LRBA: variants seen among roughly 807,000 people sequenced by gnomAD.
LRBA encodes lipopolysaccharide-responsive and beige-like anchor protein.
Under a neutral mutation model 330.0 loss-of-function variants are expected in LRBA, and 176 were observed. That is an observed-to-expected ratio of 0.53 (90% CI 0.47 to 0.60). The LOEUF (loss-of-function observed/expected upper bound fraction) is 0.60. Ranked by LOEUF, LRBA falls within the 20% of genes least tolerant of loss-of-function variation. LRBA has a pLI of 0.00. For missense variants in LRBA, 3,259 were observed against 3,444.8 expected (o/e 0.95, Z 1.35); for synonymous variants, 1,230 against 1,193.0 (o/e 1.03, Z -0.64).
At chr4:151,009,750 G>A (rs1370067176) in intron 2 of LRBA, among the ~76,000 whole-genome samples, 1 of 152,048 alleles carries the variant, frequency 6.6e-6, no homozygotes. Context: ...AGAGGCCAGG[G>A]CGGGTGGATC....
chr4:150,299,223 T>C (rs968086464), intron 53 of LRBA, among the ~76,000 whole-genome samples: 1 of 152,090 alleles, frequency 6.6e-6, no homozygotes, highest in African/African-American at 2.4e-5. Context: ...CATGCTTTCA[T>C]GTACAAAACA....
At chr4:150,875,504 A>C (rs968718614) in intron 17 of LRBA, among the ~76,000 whole-genome samples, 2 of 152,210 alleles carry the variant, frequency 1.3e-5, no homozygotes, top group African/African-American at 4.8e-5. Context: ...ACAAGGGTCA[A>C]GTATATACCC....
At chr4:150,801,484 T>C (rs542156833) in intron 33 of LRBA, among the ~76,000 whole-genome samples, 1 of 152,362 alleles carries the variant, frequency 6.6e-6, no homozygotes, top group Non-Finnish European at 1.5e-5. Flanking sequence ...TATTTTCTTG[T>C]ACAGATTTGC....
intron 52 of LRBA, among the ~76,000 whole-genome samples, chr4:150,306,657 G>GACGGT (rs1730396446): frequency 6.6e-6 from 1 of 151,556 alleles, no homozygotes; most frequent in African/African-American, 2.4e-5. Flanking sequence ...CATTTTTAAA[G>GACGGT]ACATTAGAAG....
At chr4:150,467,586 T>C in intron 44 of LRBA, 87 bp downstream of exon 44, 1 of 806,306 alleles carries the variant, frequency 1.2e-6, no homozygotes, top group Non-Finnish European at 2.0e-6. Flanking sequence ...TGAAAAAAAT[T>C]TTTAAGTTAA....
At chr4:150,423,343 G>C in intron 46 of LRBA, 1 of 697,128 alleles carries the variant, frequency 1.4e-6, no homozygotes, top group Non-Finnish European at 2.6e-6. Context: ...GGACTGTGAG[G>C]AGGCGTCAAG....
At chr4:150,484,829 C>G (rs531751113) in intron 42 of LRBA, among the ~76,000 whole-genome samples, 1 of 151,790 alleles carries the variant, frequency 6.6e-6, no homozygotes, top group Non-Finnish European at 1.5e-5. Flanking sequence ...TCATGTTAAA[C>G]ATTTCTATAG....
At chr4:150,502,950 C>T (rs895897695) in intron 40 of LRBA, among the ~76,000 whole-genome samples, 1 of 152,176 alleles carries the variant, frequency 6.6e-6, no homozygotes, top group Non-Finnish European at 1.5e-5. Flanking sequence ...GAGTCTCGCT[C>T]ATTGCTAGCA....
At chr4:150,613,542 G>A (rs530521123) in intron 37 of LRBA, among the ~76,000 whole-genome samples, 1 of 152,342 alleles carries the variant, frequency 6.6e-6, no homozygotes, top group African/African-American at 2.4e-5. Context: ...GCCCAAACAA[G>A]AGGCTATAGA....
chr4:150,313,380 A>G (rs1292412695), intron 51 of LRBA, among the ~76,000 whole-genome samples: 3 of 152,180 alleles, frequency 2.0e-5, no homozygotes, highest in African/African-American at 7.2e-5. Context: ...ATATTAAACA[A>G]TTTTTACACT....
intron 22 of LRBA, among the ~76,000 whole-genome samples, chr4:150,856,794 T>G (rs1477672601): frequency 1.3e-5 from 2 of 152,204 alleles, no homozygotes; most frequent in Admixed American, 6.5e-5. Flanking sequence ...GTCATTAATC[T>G]TCACAATCAT....
chr4:150,456,979 T>C (rs562252096), intron 44 of LRBA, among the ~76,000 whole-genome samples: 3 of 152,188 alleles, frequency 2.0e-5, no homozygotes, highest in South Asian at 2.1e-4. Flanking sequence ...GAGTCCACTG[T>C]AGGTATGTGG....
intron 34 of LRBA, among the ~76,000 whole-genome samples, chr4:150,785,944 G>A (rs1738990919): frequency 6.6e-6 from 1 of 152,152 alleles, no homozygotes; most frequent in Non-Finnish European, 1.5e-5. Flanking sequence ...GTCATTAATA[G>A]CTAGCACATA....
intron 44 of LRBA, among the ~76,000 whole-genome samples, chr4:150,460,207 C>T (rs964468429): frequency 6.6e-6 from 1 of 151,658 alleles, no homozygotes; most frequent in Non-Finnish European, 1.5e-5. Flanking sequence ...AGTTAAATGT[C>T]GGTAGTCAAT....
chr4:150,804,876 G>C (rs1204362895), intron 33 of LRBA, among the ~76,000 whole-genome samples: 1 of 151,968 alleles, frequency 6.6e-6, no homozygotes, highest in African/African-American at 2.4e-5. Context: ...AACTCAGAAG[G>C]CCAAGGTAGG....
chr4:150,658,890 A>C lies in LRBA; in HGVS notation c.5921+24661T>G, dbSNP rs576923726. On this transcript the variant is annotated intron_variant, in intron 37 of 56. Transcript: ENST00000651943. Reference sequence around the variant, plus strand: ...AGTCTGCCGAGCGCCGCCACGCCTGACTGGTTTTGGTGGAGACAGGGTTTC... The same window carrying C: ...AGTCTGCCGAGCGCCGCCACGCCTGCCTGGTTTTGGTGGAGACAGGGTTTC... Among the ~76,000 whole-genome samples the C allele has an allele frequency of 6.0e-4, 20 of 33,066 alleles. 3 individuals are homozygous for C. Among genetic ancestry groups the C allele is most frequent in the African/African-American group, 8.6e-4 (20 of 23,366 alleles). The allele number at this position is 33,066 out of a possible 152,430, so 21.7% of individuals were successfully genotyped here.
intron 33 of LRBA, among the ~76,000 whole-genome samples, chr4:150,800,464 G>C (rs1445397152): frequency 1.3e-5 from 2 of 152,264 alleles, no homozygotes; most frequent in Non-Finnish European, 2.9e-5. Context: ...TCAAAATGTA[G>C]AACTTACGTC....
chr4:150,293,691 C>A (rs17026803), intron 53 of LRBA, among the ~76,000 whole-genome samples: 25 of 152,142 alleles, frequency 1.6e-4, no homozygotes, highest in Admixed American at 1.6e-3. Context: ...GTTGGTAACA[C>A]GGGAATCACC....
intron 37 of LRBA, among the ~76,000 whole-genome samples, chr4:150,650,215 C>A (rs1369724593): frequency 1.3e-5 from 2 of 152,134 alleles, no homozygotes; most frequent in East Asian, 3.8e-4. Context: ...AAGGCCCAAA[C>A]AGCTTAAGCT....
Sources: gnomAD v4.1 joint callset for allele counts (sites outside exome capture counted in the v4.1 genomes callset) on GRCh38, gnomAD v4.1.1 for gene constraint, MANE v1.5 for transcripts, NCBI Gene and HGNC (gene_info 2026-07-23, HGNC 2026-07-21) for gene names.